RALY: variants seen among roughly 807,000 people sequenced by gnomAD.
The protein encoded by RALY is RNA-binding protein Raly.
In RALY, 15 loss-of-function variants were observed where a neutral mutation model predicts 30.7. That is an observed-to-expected ratio of 0.49 (90% CI 0.33 to 0.75). The LOEUF is 0.75. Ranked by LOEUF, RALY falls within the 30% of genes least tolerant of loss-of-function variation. The probability of loss-of-function intolerance (pLI) is 0.02; values close to 1 mark genes in which losing one functional copy is unlikely to be tolerated. For missense variants in RALY, 339 were observed against 414.3 expected, an observed-to-expected ratio of 0.82 and a Z score of 1.58; for synonymous variants, 177 against 170.8, an observed-to-expected ratio of 1.04 and a Z score of -0.28.
chr20:34,028,904 G>A (rs140532854), intron 1 of RALY, among the ~76,000 whole-genome samples: 28 of 152,084 alleles, frequency 1.8e-4, no homozygotes, highest in African/African-American at 5.8e-4. Context: ...GAAGTAAGGC[G>A]GATGATGACC....
chr20:34,033,082 T>TA (rs2032345800), intron 2 of RALY: 1 of 152,236 alleles, frequency 6.6e-6, no homozygotes, highest in Non-Finnish European at 1.5e-5. Flanking sequence ...CTTGGGCCAG[T>TA]ACAGGGTAAG....
At chr20:34,056,648 G>A (rs1218174057) in intron 2 of RALY, among the ~76,000 whole-genome samples, 1 of 152,122 alleles carries the variant, frequency 6.6e-6, no homozygotes, top group Non-Finnish European at 1.5e-5. Context: ...AAACTTTGTA[G>A]ACTCAAAAGC....
intron 1 of RALY, 25 bp from the exon 2 acceptor site, chr20:34,031,496 CT>C (rs1406983765): frequency 6.6e-6 from 1 of 152,118 alleles, no homozygotes; most frequent in Non-Finnish European, 1.5e-5. Flanking sequence ...AGCAGCACCC[CT>C]AATGGACTTC....
intron 1 of RALY, among the ~76,000 whole-genome samples, chr20:34,001,917 C>T (rs1171087958): frequency 2.6e-5 from 4 of 152,122 alleles, no homozygotes; most frequent in Non-Finnish European, 5.9e-5. Context: ...CAGGTGCCCA[C>T]CACCACGCCC....
intron 2 of RALY, among the ~76,000 whole-genome samples, chr20:34,054,740 C>T (rs945413232): frequency 6.6e-6 from 1 of 151,514 alleles, no homozygotes; most frequent in Non-Finnish European, 1.5e-5. Flanking sequence ...GCACAAGAAT[C>T]GCTTGAACCT....
intron 2 of RALY, among the ~76,000 whole-genome samples, chr20:34,056,489 G>A (rs1425049868): frequency 6.6e-6 from 1 of 152,022 alleles, no homozygotes; most frequent in African/African-American, 2.4e-5. Flanking sequence ...AATTCTTCCA[G>A]GGGGGAGATT....
At chr20:34,059,134 T>C (rs780628433) in intron 2 of RALY, among the ~76,000 whole-genome samples, 37 of 152,188 alleles carry the variant, frequency 2.4e-4, no homozygotes, top group Non-Finnish European at 4.7e-4. Flanking sequence ...CGTTCCTTCC[T>C]TCCCCTGTCT....
chr20:34,032,224 A>G (rs1274318336), intron 2 of RALY, among the ~76,000 whole-genome samples: 2 of 152,082 alleles, frequency 1.3e-5, no homozygotes, highest in Non-Finnish European at 2.9e-5. Flanking sequence ...CGGCCTTCCA[A>G]AGTGTTGGGA....
chr20:34,070,705 A>G (rs892437083), intron 2 of RALY, among the ~76,000 whole-genome samples: 7 of 152,194 alleles, frequency 4.6e-5, no homozygotes, highest in Non-Finnish European at 8.8e-5. Context: ...GAACTTGTCA[A>G]TCAGTTTCTG....
chr20:34,057,456 A>G (rs1209879296), intron 2 of RALY, among the ~76,000 whole-genome samples: 2 of 152,166 alleles, frequency 1.3e-5, no homozygotes, highest in Non-Finnish European at 2.9e-5. Flanking sequence ...TCACGAGGTC[A>G]GGAGATCGAG....
intron 2 of RALY, among the ~76,000 whole-genome samples, chr20:34,053,668 A>G (rs2033152854): frequency 6.6e-6 from 1 of 152,174 alleles, no homozygotes; most frequent in African/African-American, 2.4e-5. Context: ...AAGTATTAGG[A>G]TTACAGGCGT....
chr20:34,071,793 A>G (rs1438094437), intron 2 of RALY, among the ~76,000 whole-genome samples: 1 of 152,196 alleles, frequency 6.6e-6, no homozygotes, highest in Non-Finnish European at 1.5e-5. Flanking sequence ...GTCTCTCTGA[A>G]TGTGAGATTT....
intron 1 of RALY, chr20:34,016,464 C>T (rs895546134): frequency 6.6e-6 from 1 of 152,206 alleles, no homozygotes; most frequent in Non-Finnish European, 1.5e-5. Flanking sequence ...ATACTTAGCA[C>T]AAGAAAGCCA....
At chr20:34,017,262 A>AG (rs1160696213) in intron 1 of RALY, among the ~76,000 whole-genome samples, 1 of 152,224 alleles carries the variant, frequency 6.6e-6, no homozygotes, top group Non-Finnish European at 1.5e-5. Context: ...TGGCATAGGA[A>AG]GGAAAGGAAA....
intron 2 of RALY, among the ~76,000 whole-genome samples, chr20:34,059,109 T>C (rs745577947): frequency 3.3e-5 from 5 of 152,150 alleles, no homozygotes; most frequent in Non-Finnish European, 5.9e-5. Flanking sequence ...ATCAGCACCC[T>C]GGAGAGAGGT....
intron 1 of RALY, among the ~76,000 whole-genome samples, chr20:34,011,794 G>A (rs887392057): frequency 2.6e-5 from 4 of 152,112 alleles, no homozygotes; most frequent in South Asian, 2.1e-4. Flanking sequence ...GGCCAGACAC[G>A]GTGGTTCATG....
intron 6 of RALY, 112 bp downstream of exon 6, chr20:34,076,152 C>A (rs2033871252): frequency 7.7e-7 from 1 of 1,292,014 alleles, no homozygotes; most frequent in African/African-American, 1.5e-5. Flanking sequence ...TTCCACAGTT[C>A]TGCTGCTCTA....
chr20:34,024,923 G>T (rs554146315), intron 1 of RALY, among the ~76,000 whole-genome samples: 18 of 152,312 alleles, frequency 1.2e-4, no homozygotes, highest in Middle Eastern at 6.8e-3. Flanking sequence ...GTAAAGGCTG[G>T]GATAAGCAAG....
In RALY at chr20:34,072,335, G is replaced by A. The variant is rs1242847364; in HGVS notation, c.256+5G>A. 9 of 1,609,664 alleles carry A rather than the reference G, an allele frequency of 5.6e-6. No individual in the cohort carries two copies. Among genetic ancestry groups the A allele is most frequent in the East Asian group, 2.2e-5 (1 of 44,872 alleles). On this transcript the variant is annotated splice_donor_5th_base_variant and intron_variant, in intron 3 of 9. Coordinates refer to ENST00000246194, the MANE Select transcript of RALY (RefSeq NM_016732.3). Reference sequence around the variant, plus strand: ...TGCTGGCCGGGCAGACCCTGGGTAAGCCTCTCTTCACTATATTCTCCTAGT... The same window carrying A: ...TGCTGGCCGGGCAGACCCTGGGTAAACCTCTCTTCACTATATTCTCCTAGT...
Sources: allele counts gnomAD v4.1 joint callset (sites outside exome capture counted in the v4.1 genomes callset), GRCh38; gene constraint gnomAD v4.1.1; transcripts MANE v1.5; gene names NCBI Gene and HGNC (gene_info 2026-07-23, HGNC 2026-07-21).